ANKRD24: variants seen among roughly 807,000 people sequenced by gnomAD.
ANKRD24 encodes ankyrin repeat domain-containing protein 24.
In ANKRD24, 109 loss-of-function variants were observed where a neutral mutation model predicts 127.8. The observed-to-expected ratio is 0.85, with a 90% CI of 0.73 to 1.00. The LOEUF (loss-of-function observed/expected upper bound fraction) is 1.00. ANKRD24 is among the 50% of genes least tolerant of loss of function. ANKRD24 has a pLI of 0.00. For missense variants in ANKRD24, 1,648 were observed against 1,570.2 expected (o/e 1.05, Z -0.84); for synonymous variants, 743 against 671.1 (o/e 1.11, Z -1.66).
intron 20 of ANKRD24, among the ~76,000 whole-genome samples, chr19:4,223,890 G>A (rs1486327580): frequency 6.6e-6 from 1 of 151,906 alleles, no homozygotes; most frequent in Non-Finnish European, 1.5e-5. Context: ...GTAGAGACGG[G>A]ATTTTACCAT....
chr19:4,205,387 C>T (rs1340097000), intron 7 of ANKRD24, among the ~76,000 whole-genome samples: 1 of 152,216 alleles, frequency 6.6e-6, no homozygotes, highest in Non-Finnish European at 1.5e-5. Flanking sequence ...AGTTTGTTGA[C>T]TGAAAAATGG....
Position 4,199,869 on chromosome 19 carries a change from C to T in ANKRD24, c.124-6C>T, listed in dbSNP as rs762765757. The T allele has an allele frequency of 2.6e-6, 4 of 1,567,908 alleles. No individual in the cohort carries two copies. Among genetic ancestry groups the T allele is most frequent in the East Asian group, 4.8e-5 (2 of 41,992 alleles). On this transcript the variant is annotated splice_region_variant and splice_polypyrimidine_tract_variant and intron_variant, in intron 3 of 21. Transcript: ENST00000318934. This position sits in a 1 kb window ranked among gnomAD's most constrained non-coding sequence, Gnocchi z 5.2. ...TGCCCCACGCACTTCTGGGCGTGCC[C>T]TGCAGAGTCAAGACTGGGGCAAGAG... is the stretch of plus-strand genomic sequence containing the variant.
At position 4,216,897 on chromosome 19, in the gene ANKRD24, T is replaced by C. The variant is rs988832525; in HGVS notation, c.1737T>C (p.Ala579=). ...CCATGGAAGCCAGGACTATGGAAGC[T>C]GAGGCCACGGGAGCCGAGGCCACGG... ...DETMEARTME[A]EATGAEATGA... is the part of the protein sequence containing the mutation. The change falls in exon 18 of 22, where the codon GCT becomes GCC. Residue 579 remains alanine, a synonymous_variant. Transcript: ENST00000318934. 8 of 1,610,874 alleles carry C rather than the reference T, an allele frequency of 5.0e-6. No individual in the cohort carries two copies. The highest frequency in any genetic ancestry group is 4.0e-5 in the African/African-American group (3 of 74,834).
At chr19:4,190,554 CT>C (rs919901628) in intron 2 of ANKRD24, among the ~76,000 whole-genome samples, 5 of 151,682 alleles carry the variant, frequency 3.3e-5, no homozygotes, top group African/African-American at 1.2e-4. Flanking sequence ...GTGAAACCCC[CT>C]CTCTACTAAA....
At chr19:4,207,166 C>A (rs753843121) in intron 7 of ANKRD24, 76 bp from the exon 8 acceptor site, 1 of 1,336,730 alleles carries the variant, frequency 7.5e-7, no homozygotes, top group Non-Finnish European at 1.1e-6. Flanking sequence ...TCAAGCGAAC[C>A]TCCTGCCTTG....
At chr19:4,204,489 T>A (rs1241157631) in intron 7 of ANKRD24, among the ~76,000 whole-genome samples, 1 of 152,116 alleles carries the variant, frequency 6.6e-6, no homozygotes, top group Non-Finnish European at 1.5e-5. Context: ...GAGAGGTCCC[T>A]AGGGTTTAAT....
chr19:4,215,098 G>C (rs1162750519), intron 15 of ANKRD24, among the ~76,000 whole-genome samples: 1 of 152,208 alleles, frequency 6.6e-6, no homozygotes, highest in Non-Finnish European at 1.5e-5. Context: ...CCAGGAAGCT[G>C]GGGGATGCTG....
chr19:4,187,360 C>T (rs1968122990), intron 2 of ANKRD24, among the ~76,000 whole-genome samples: 1 of 151,476 alleles, frequency 6.6e-6, no homozygotes, highest in Non-Finnish European at 1.5e-5. Context: ...TTGCAGTGAG[C>T]TGAGATTGTG....
Position 4,210,075 on chromosome 19 carries a change from T to C in ANKRD24, c.888T>C (p.His296=). Residue 296 remains histidine, a synonymous_variant, in exon 12 of 22, where the codon CAT becomes CAC. Coordinates refer to ENST00000318934, the MANE Select transcript of ANKRD24 (RefSeq NM_001393985.1). Reference sequence around the variant, plus strand: ...CTTCCCAGAACTCTATGTCCAGCCATGGAAAGCAGGGGGCCCCCAAGAAGC... The same window carrying C: ...CTTCCCAGAACTCTATGTCCAGCCACGGAAAGCAGGGGGCCCCCAAGAAGC... ...EASSQNSMSS[H]GKQGAPKKRK... 6.2e-7 allele frequency: 1 copy of C among 1,611,636 alleles called. No individual in the cohort carries two copies. Among genetic ancestry groups the C allele is most frequent in the Non-Finnish European group, 8.5e-7 (1 of 1,178,952 alleles).
intron 1 of ANKRD24, among the ~76,000 whole-genome samples, chr19:4,184,260 G>A (rs1025574787): frequency 1.3e-5 from 2 of 152,170 alleles, no homozygotes; most frequent in Non-Finnish European, 2.9e-5. Flanking sequence ...AACCGGAGCC[G>A]GCAGTGGGCA....
chr19:4,216,749 A>C lies in ANKRD24; in HGVS notation c.1589A>C (p.Glu530Ala). 1 of 1,580,820 alleles carries C rather than the reference A, an allele frequency of 6.3e-7. No homozygotes were observed. Among genetic ancestry groups the C allele is most frequent in the Non-Finnish European group, 8.6e-7 (1 of 1,164,116 alleles). ...GAGGGGGCAGCCTGTGGGGAGAGTGAGGTTGCTGGAGCCACGGCCACCAAA... is the reference window on the plus strand; with the variant it reads ...GAGGGGGCAGCCTGTGGGGAGAGTGCGGTTGCTGGAGCCACGGCCACCAAA... ...REEGAACGES[E>A]VAGATATKNG... The change falls in exon 18 of 22, where the codon GAG (glutamate) becomes GCG (alanine). Residue 530 changes from glutamate to alanine, a missense_variant. By Grantham distance (107) the Glu-to-Ala change is moderately radical (BLOSUM62 -1). Coordinates refer to ENST00000318934, the MANE Select transcript of ANKRD24 (RefSeq NM_001393985.1).
At chr19:4,191,647 AAT>A (rs1329201474) in intron 2 of ANKRD24, among the ~76,000 whole-genome samples, 1 of 150,272 alleles carries the variant, frequency 6.7e-6, no homozygotes, top group African/African-American at 2.5e-5. Flanking sequence ...ACACCTGGCT[AAT>A]TTTTGTGTTT....
chr19:4,199,765 G>A lies in ANKRD24; in HGVS notation c.119G>A (p.Arg40His), dbSNP rs1055419943. 5.3e-5 allele frequency: 82 copies of A among 1,536,798 alleles called. No individual in the cohort carries two copies. Among genetic ancestry groups the A allele is most frequent in the Non-Finnish European group, 6.2e-5 (71 of 1,143,932 alleles). The change falls in exon 3 of 22, where the codon CGC (arginine) becomes CAC (histidine). Residue 40 changes from arginine (R) to histidine (H), a missense_variant. Transcript: ENST00000318934. This position sits in a 1 kb window ranked among gnomAD's most constrained non-coding sequence, Gnocchi z 5.2. Reference sequence around the variant, plus strand: ...CCGAAGCCGGCAGCCAGAGGCAGGCGCCAGGCAAGTGCCCAGGGGCAGGTG... The same window carrying A: ...CCGAAGCCGGCAGCCAGAGGCAGGCACCAGGCAAGTGCCCAGGGGCAGGTG... ...PIPKPAARGR[R>H]QSQDWGKSDE...
At chr19:4,196,542 T>C (rs1434703376) in intron 2 of ANKRD24, among the ~76,000 whole-genome samples, 1 of 152,136 alleles carries the variant, frequency 6.6e-6, no homozygotes, top group Non-Finnish European at 1.5e-5. Flanking sequence ...ACCTGGCTAA[T>C]TTTTGCATTT....
intron 2 of ANKRD24, among the ~76,000 whole-genome samples, chr19:4,193,845 G>GAAGGAAGGAAGGAAGGA (rs1555712178): frequency 2.5e-5 from 1 of 40,590 alleles, no homozygotes; most frequent in African/African-American, 1.3e-4. Context: ...GGGAGGGAGG[G>GAAGGAAGGAAGGAAGGA]AGGAAGGAAG....
intron 5 of ANKRD24, 34 bp from the exon 6 acceptor site, chr19:4,201,992 C>T (rs773001077): frequency 1.3e-6 from 2 of 1,598,510 alleles, no homozygotes; most frequent in East Asian, 4.5e-5. Flanking sequence ...ACTTGAATAG[C>T]TGGAGCTCCA....
chr19:4,201,846 T>C (rs1213876250), intron 5 of ANKRD24, among the ~76,000 whole-genome samples, 180 bp from the exon 6 acceptor site: 1 of 152,122 alleles, frequency 6.6e-6, no homozygotes, highest in African/African-American at 2.4e-5. Context: ...ATGATCACAC[T>C]GCACTCTAGC....
At chr19:4,183,267 A>C (rs1299078226) in intron 1 of ANKRD24, 3 of 983,078 alleles carry the variant, frequency 3.1e-6, no homozygotes, top group Non-Finnish European at 3.6e-6. Context: ...GGCGTGAGCC[A>C]CTGCGTCCGG....
intron 2 of ANKRD24, among the ~76,000 whole-genome samples, chr19:4,188,016 GC>G (rs1188667899): frequency 6.6e-6 from 1 of 152,150 alleles, no homozygotes; most frequent in East Asian, 1.9e-4. Flanking sequence ...ATCTTTGAAA[GC>G]CATTTTTGAA....
Sources: gnomAD v4.1 joint callset for allele counts (sites outside exome capture counted in the v4.1 genomes callset) on GRCh38, gnomAD v4.1.1 for gene constraint, Gnocchi (gnomAD v3.1) non-coding constraint, MANE v1.5 for transcripts, NCBI Gene and HGNC (gene_info 2026-07-23, HGNC 2026-07-21) for gene names.